The following ARHGAP44 variants were observed in gnomAD, a reference collection of about 807,000 sequenced individuals.
ARHGAP44 encodes the protein Rho GTPase activating protein 44, also known as rho GTPase-activating protein 44.
Under a neutral mutation model 106.8 loss-of-function variants are expected in ARHGAP44, and 43 were observed. That is an observed-to-expected ratio of 0.40 (90% CI 0.32 to 0.52). The LOEUF (loss-of-function observed/expected upper bound fraction) is 0.52. ARHGAP44 is among the 20% of genes least tolerant of loss of function. The probability of loss-of-function intolerance (pLI) is 0.48; values close to 1 mark genes in which losing one functional copy is unlikely to be tolerated. For synonymous variants in ARHGAP44, 439 were observed against 410.3 expected (o/e 1.07, Z -0.85); for missense variants, 866 against 1,050.5 (o/e 0.82, Z 2.43).
At chr17:12,850,277 C>G (rs2035699801) in intron 1 of ARHGAP44, among the ~76,000 whole-genome samples, 1 of 152,190 alleles carries the variant, frequency 6.6e-6, no homozygotes, top group Non-Finnish European at 1.5e-5. Context: ...GTCAGACTTT[C>G]ATAGTCACAA....
chr17:12,904,713 C>T (rs559160371), intron 3 of ARHGAP44, among the ~76,000 whole-genome samples: 28 of 152,062 alleles, frequency 1.8e-4, no homozygotes, highest in Non-Finnish European at 3.2e-4. Flanking sequence ...AGTATGCTAA[C>T]GTGGGGAGAA....
At chr17:12,861,923 C>T (rs2036098040) in intron 1 of ARHGAP44, among the ~76,000 whole-genome samples, 2 of 152,240 alleles carry the variant, frequency 1.3e-5, no homozygotes, top group African/African-American at 4.8e-5. Context: ...TAGTAAGCCA[C>T]TGTGGCTGGC....
At chr17:12,879,246 A>C (rs1185104643) in intron 1 of ARHGAP44, among the ~76,000 whole-genome samples, 1 of 152,160 alleles carries the variant, frequency 6.6e-6, no homozygotes, top group African/African-American at 2.4e-5. Flanking sequence ...TTCCTGAGTC[A>C]CTTCACTTAG....
intron 3 of ARHGAP44, 88 bp from the exon 4 acceptor site, chr17:12,908,809 C>T: frequency 9.8e-7 from 1 of 1,021,336 alleles, no homozygotes; most frequent in Non-Finnish European, 1.5e-6. Flanking sequence ...AATATAATAC[C>T]TTGGCAAGTA....
In ARHGAP44 at chr17:12,854,110, CTGG is replaced by C. The variant is rs1437985793; in HGVS notation, c.54-40824_54-40822del. On this transcript the variant is annotated intron_variant, in intron 1 of 20. Transcript: ENST00000379672. ...GATTTAGAAACAAGTGCCGTGTCTC[CTGG>C]TGGTGATGAGTAGCCTTGCAAGAGC... 2.6e-5 allele frequency among the ~76,000 whole-genome samples: 4 copies of C among 152,280 alleles called. No individual in the cohort carries two copies. In the South Asian group the frequency reaches 8.3e-4, roughly 32 times the overall value.
In ARHGAP44 at chr17:12,831,771, G is replaced by C. The variant is rs146584519; in HGVS notation, c.53+41880G>C. On this transcript the variant is annotated intron_variant, in intron 1 of 20. Coordinates refer to ENST00000379672, the MANE Select transcript of ARHGAP44 (RefSeq NM_014859.6). The stretch of plus-strand genomic sequence containing the variant: ...ACCATTGTAAGCCCTTTTTACTAAA[G>C]AGTGTAAGAAACAATGGTCAGGGGC... 1.9e-3 allele frequency among the ~76,000 whole-genome samples: 295 copies of C among 152,282 alleles called. 1 individual carries two copies. Among genetic ancestry groups the C allele is most frequent in the African/African-American group, 5.6e-3 (234 of 41,554 alleles).
intron 1 of ARHGAP44, among the ~76,000 whole-genome samples, chr17:12,885,955 A>G (rs999900038): frequency 2.6e-5 from 4 of 151,972 alleles, no homozygotes; most frequent in Non-Finnish European, 4.4e-5. Context: ...ATTTTCTTCT[A>G]TGTTTCCTGT....
At chr17:12,802,947 ATATATATATATATATATATATATTTTTTT>A (rs1296026665) in intron 1 of ARHGAP44, among the ~76,000 whole-genome samples, 12 of 15,352 alleles carry the variant, frequency 7.8e-4, no homozygotes, top group African/African-American at 4.4e-3. Context: ...ATATATATAT[ATATATATATATATATATATATATTTTTTT>A]TTTTTTTTTT....
At chr17:12,977,982 G>A (rs531702652) in intron 18 of ARHGAP44, among the ~76,000 whole-genome samples, 2 of 133,308 alleles carry the variant, frequency 1.5e-5, no homozygotes, top group East Asian at 5.0e-4. Context: ...AGATGACAGT[G>A]AGCTGAGATC....
intron 1 of ARHGAP44, among the ~76,000 whole-genome samples, chr17:12,858,132 G>A (rs924216078): frequency 3.3e-5 from 5 of 152,318 alleles, no homozygotes; most frequent in African/African-American, 4.8e-5. Flanking sequence ...CTTTGGCTAC[G>A]TATTAGTCCA....
At chr17:12,920,606 A>T (rs532711998) in intron 6 of ARHGAP44, among the ~76,000 whole-genome samples, 1 of 152,248 alleles carries the variant, frequency 6.6e-6, no homozygotes, top group Non-Finnish European at 1.5e-5. Flanking sequence ...GAAGGTCGGC[A>T]TGGCTGGGGC....
intron 16 of ARHGAP44, among the ~76,000 whole-genome samples, chr17:12,966,339 G>A (rs2039391175): frequency 6.6e-6 from 1 of 152,078 alleles, no homozygotes; most frequent in Non-Finnish European, 1.5e-5. Flanking sequence ...TTTGGTCCAG[G>A]CCCCTTATCA....
chr17:12,948,879 T>TA, intron 10 of ARHGAP44, among the ~76,000 whole-genome samples: 1 of 152,060 alleles, frequency 6.6e-6, no homozygotes, highest in South Asian at 2.1e-4. Context: ...ATCCAGTAAA[T>TA]AGTTACTGAG....
chr17:12,898,799 A>G (rs2037289876), intron 3 of ARHGAP44, among the ~76,000 whole-genome samples: 1 of 152,154 alleles, frequency 6.6e-6, no homozygotes, highest in African/African-American at 2.4e-5. Context: ...GAGGACGTAC[A>G]CTATCTGGCT....
At chr17:12,953,579 G>A (rs750790064) in intron 13 of ARHGAP44, among the ~76,000 whole-genome samples, 3 of 152,188 alleles carry the variant, frequency 2.0e-5, no homozygotes, top group Admixed American at 1.3e-4. Context: ...ACTCGTATTC[G>A]TAGCAGCAGT....
At chr17:12,959,058 G>A in intron 16 of ARHGAP44, 161 bp downstream of exon 16, 4 of 890,600 alleles carry the variant, frequency 4.5e-6, no homozygotes, top group Non-Finnish European at 6.9e-6. Flanking sequence ...TCTGGGATGA[G>A]TTTCTTTGGC....
chr17:12,931,146 A>G (rs2150968346), intron 7 of ARHGAP44, among the ~76,000 whole-genome samples: 1 of 152,222 alleles, frequency 6.6e-6, no homozygotes, highest in East Asian at 1.9e-4. Flanking sequence ...ATCTCGGCTC[A>G]TTGCAACCTC....
At chr17:12,845,336 C>T (rs560875926) in intron 1 of ARHGAP44, among the ~76,000 whole-genome samples, 2 of 151,918 alleles carry the variant, frequency 1.3e-5, no homozygotes, top group African/African-American at 4.8e-5. Flanking sequence ...GGTGAAACCC[C>T]ATCTCTACTA....
At chr17:12,957,575 A>G (rs2039161152) in intron 15 of ARHGAP44, among the ~76,000 whole-genome samples, 1 of 152,044 alleles carries the variant, frequency 6.6e-6, no homozygotes, top group Non-Finnish European at 1.5e-5. Context: ...GTGGGGCTCA[A>G]TCTCAAAGGC....
Sources: gnomAD v4.1 joint callset for allele counts (sites outside exome capture counted in the v4.1 genomes callset) on GRCh38, gnomAD v4.1.1 for gene constraint, MANE v1.5 for transcripts, NCBI Gene and HGNC (gene_info 2026-07-23, HGNC 2026-07-21) for gene names.